The following EIF2B3 variants were observed in gnomAD, a reference collection of about 807,000 sequenced individuals.
EIF2B3 encodes eukaryotic translation initiation factor 2B subunit gamma, also known as translation initiation factor eIF2B subunit gamma.
Under a neutral mutation model 54.1 loss-of-function variants are expected in EIF2B3, and 20 were observed. The observed-to-expected ratio is 0.37, with a 90% confidence interval of 0.26 to 0.54. The LOEUF is 0.54. Among genes scored for constraint, EIF2B3 ranks in the 20% least tolerant of loss-of-function variants. The pLI, the probability that EIF2B3 is intolerant of heterozygous loss-of-function variation, is 0.86. For missense variants in EIF2B3, 448 were observed against 547.8 expected (o/e 0.82, Z 1.82); for synonymous variants, 153 against 188.1 (o/e 0.81, Z 1.52).
intron 3 of EIF2B3, among the ~76,000 whole-genome samples, chr1:44,942,377 T>TTTTATATATATATATA (rs1318229963): frequency 4.2e-4 from 9 of 21,598 alleles, no homozygotes; most frequent in African/African-American, 2.4e-3. Flanking sequence ...CTTTCTGATT[T>TTTTATATATATATATA]TATATATATA....
At chr1:44,967,100 C>T (rs1644350384) in intron 3 of EIF2B3, among the ~76,000 whole-genome samples, 1 of 151,574 alleles carries the variant, frequency 6.6e-6, no homozygotes, top group South Asian at 2.1e-4. Context: ...AGGTGTGAGA[C>T]ACCATGCCCG....
intron 3 of EIF2B3, among the ~76,000 whole-genome samples, chr1:44,943,374 ATAT>A (rs1644060018): frequency 2.7e-5 from 1 of 37,386 alleles, no homozygotes; most frequent in African/African-American, 2.6e-4. Context: ...AGAACTATCT[ATAT>A]CTATATCTAT....
chr1:44,948,321 T>C (rs1450240025), intron 3 of EIF2B3, among the ~76,000 whole-genome samples: 1 of 152,218 alleles, frequency 6.6e-6, no homozygotes, highest in African/African-American at 2.4e-5. Context: ...ATGGAAGTCC[T>C]TCCTCTCCTG....
At chr1:44,920,317 G>A (rs999609737) in intron 5 of EIF2B3, among the ~76,000 whole-genome samples, 3 of 151,992 alleles carry the variant, frequency 2.0e-5, no homozygotes, top group African/African-American at 7.3e-5. Flanking sequence ...CATGCAATAC[G>A]TAATAATCAC....
At chr1:44,975,706 C>T (rs1026186960) in intron 3 of EIF2B3, among the ~76,000 whole-genome samples, 1 of 152,110 alleles carries the variant, frequency 6.6e-6, no homozygotes, top group African/African-American at 2.4e-5. Flanking sequence ...TGAGGTCGCT[C>T]ATGTGTGTAA....
intron 8 of EIF2B3, 55 bp downstream of exon 8, chr1:44,879,763 G>GA: frequency 6.4e-7 from 1 of 1,565,946 alleles, no homozygotes; most frequent in Non-Finnish European, 8.8e-7. Context: ...ACAGACAAGT[G>GA]GCTCAGTCTG....
At chr1:44,949,982 A>G (rs891641192) in intron 3 of EIF2B3, among the ~76,000 whole-genome samples, 2 of 152,222 alleles carry the variant, frequency 1.3e-5, no homozygotes, top group Admixed American at 6.6e-5. Flanking sequence ...TCTAGGATTT[A>G]GATATATGCA....
intron 6 of EIF2B3, among the ~76,000 whole-genome samples, chr1:44,890,627 C>T (rs1202056066): frequency 1.3e-5 from 2 of 152,024 alleles, no homozygotes; most frequent in African/African-American, 4.8e-5. Flanking sequence ...TCGAAAATTC[C>T]TTCCAAAGCA....
Position 44,938,109 on chromosome 1 carries a change from C to T in EIF2B3, c.454+3397G>A, listed in dbSNP as rs79449521. Among the ~76,000 whole-genome samples the T allele has an allele frequency of 5.1e-3, 776 of 152,004 alleles. 3 individuals carry two copies. Among genetic ancestry groups the T allele is most frequent in the East Asian group, 7.9e-3 (41 of 5,164 alleles). On this transcript the variant is annotated intron_variant, in intron 4 of 11. Coordinates refer to ENST00000360403, the MANE Select transcript of EIF2B3 (RefSeq NM_020365.5). ...AGAACGCCATTTGAGGAAGTTGGGT[C>T]TAGAAGATCTAGACTATTAAACAAT...
At chr1:44,851,953 C>CTT (rs10719228) in intron 11 of EIF2B3, among the ~76,000 whole-genome samples, 11 of 144,002 alleles carry the variant, frequency 7.6e-5, no homozygotes, top group Admixed American at 2.1e-4. Context: ...GTTTTAATCC[C>CTT]TTTTTTTTTT....
chr1:44,954,995 T>C (rs1432728525), intron 3 of EIF2B3, among the ~76,000 whole-genome samples: 1 of 152,234 alleles, frequency 6.6e-6, no homozygotes. Context: ...GTTTTTGTCA[T>C]TGTTTCTGTT....
intron 1 of EIF2B3, among the ~76,000 whole-genome samples, chr1:44,983,427 G>A (rs985550689): frequency 3.3e-5 from 5 of 152,216 alleles, no homozygotes; most frequent in African/African-American, 4.8e-5. Context: ...AAGGCACAAA[G>A]TGAAGGCTCC....
chr1:44,889,548 AATT>A (rs1178403489), intron 6 of EIF2B3, among the ~76,000 whole-genome samples: 1 of 152,010 alleles, frequency 6.6e-6, no homozygotes, highest in Non-Finnish European at 1.5e-5. Flanking sequence ...AAAAAAAAAA[AATT>A]AAGCTGACTT....
chr1:44,957,533 G>A (rs182465485), intron 3 of EIF2B3, among the ~76,000 whole-genome samples: 39 of 152,252 alleles, frequency 2.6e-4, no homozygotes, highest in Admixed American at 2.5e-3. Flanking sequence ...GGCAGAGGCA[G>A]GCAGATCACT....
chr1:44,941,322 T>C (rs965074205), intron 4 of EIF2B3, among the ~76,000 whole-genome samples, 184 bp downstream of exon 4: 1 of 152,264 alleles, frequency 6.6e-6, no homozygotes, highest in Non-Finnish European at 1.5e-5. Context: ...TTAAAGAATC[T>C]AATCAATAGT....
At chr1:44,911,350 A>G (rs538574539) in intron 5 of EIF2B3, among the ~76,000 whole-genome samples, 24 of 152,340 alleles carry the variant, frequency 1.6e-4, no homozygotes, top group African/African-American at 5.5e-4. Context: ...AAATCTGCCA[A>G]CAACTAAAAA....
At chr1:44,933,549 G>A (rs1392870919) in intron 4 of EIF2B3, among the ~76,000 whole-genome samples, 1 of 152,070 alleles carries the variant, frequency 6.6e-6, no homozygotes, top group Non-Finnish European at 1.5e-5. Flanking sequence ...AGTGGGGTGA[G>A]GATAGATAGG....
At chr1:44,966,042 T>C (rs1435155584) in intron 3 of EIF2B3, among the ~76,000 whole-genome samples, 1 of 152,126 alleles carries the variant, frequency 6.6e-6, no homozygotes, top group Admixed American at 6.6e-5. Flanking sequence ...ACTCTTCCAT[T>C]AAACTCTGAA....
intron 5 of EIF2B3, among the ~76,000 whole-genome samples, chr1:44,916,650 C>A (rs36107413): frequency 0.48 from 70,852 of 148,984 alleles, 17,622 homozygotes; most frequent in African/African-American, 0.62. Context: ...ATGAGACTTC[C>A]TCGCAACAAA....
Sources: gnomAD v4.1 joint callset for allele counts (sites outside exome capture counted in the v4.1 genomes callset) on GRCh38, gnomAD v4.1.1 for gene constraint, MANE v1.5 for transcripts, NCBI Gene and HGNC (gene_info 2026-07-23, HGNC 2026-07-21) for gene names.